The following PIK3C2G variants were observed in gnomAD, a reference collection of about 807,000 sequenced individuals.
PIK3C2G encodes the protein phosphatidylinositol 3-kinase C2 domain-containing subunit gamma.
PIK3C2G carries 168 observed loss-of-function variants against 181.1 expected under a neutral mutation model. The observed-to-expected ratio is 0.93, with a 90% CI of 0.82 to 1.05. The LOEUF is 1.05. Ranked by LOEUF, PIK3C2G falls within the 50% of genes least tolerant of loss-of-function variation. The probability of loss-of-function intolerance (pLI) is 0.00; values close to 1 mark genes in which losing one functional copy is unlikely to be tolerated. For missense variants in PIK3C2G, 1,869 were observed against 1,732.8 expected (o/e 1.08, Z -1.40); for synonymous variants, 573 against 592.2 (o/e 0.97, Z 0.47).
chr12:18,500,199 A>C (rs1455131005), intron 22 of PIK3C2G, among the ~76,000 whole-genome samples: 2 of 152,040 alleles, frequency 1.3e-5, no homozygotes, highest in Non-Finnish European at 2.9e-5. Context: ...GGCCGGCTGG[A>C]GTTCCAGGTG....
the PIK3C2G span, among the ~76,000 whole-genome samples, chr12:18,673,014 A>G: frequency 2.0e-5 from 3 of 152,204 alleles, no homozygotes; most frequent in Admixed American, 2.0e-4. Flanking sequence ...AAAAGATGGC[A>G]TACATTAAAA....
intron 30 of PIK3C2G, among the ~76,000 whole-genome samples, chr12:18,596,118 G>A (rs1336281492): frequency 6.6e-6 from 1 of 152,054 alleles, no homozygotes; most frequent in Admixed American, 6.6e-5. Flanking sequence ...GAACAACTAT[G>A]AAGGACACCT....
At chr12:18,531,595 T>C (rs1299642050) in intron 24 of PIK3C2G, among the ~76,000 whole-genome samples, 4 of 152,198 alleles carry the variant, frequency 2.6e-5, no homozygotes, top group Non-Finnish European at 5.9e-5. Flanking sequence ...TCCTATGTTT[T>C]TGTCATTTCA....
intron 30 of PIK3C2G, among the ~76,000 whole-genome samples, chr12:18,598,850 C>T (rs904180238): frequency 3.2e-4 from 48 of 151,924 alleles, no homozygotes; most frequent in South Asian, 2.1e-3. Flanking sequence ...CATGAACAGA[C>T]GCTTCTCAAA....
chr12:18,333,148 A>G (rs1364715469), intron 8 of PIK3C2G, among the ~76,000 whole-genome samples: 4 of 152,160 alleles, frequency 2.6e-5, no homozygotes, highest in African/African-American at 9.7e-5. Flanking sequence ...TCTTTGGAGC[A>G]GTTTTCACTG....
intron 15 of PIK3C2G, among the ~76,000 whole-genome samples, chr12:18,398,180 T>C (rs536784117): frequency 2.0e-5 from 3 of 152,174 alleles, no homozygotes; most frequent in Non-Finnish European, 4.4e-5. Context: ...TACATGCATT[T>C]GTAAAAATTT....
chr12:18,442,234 T>C (rs1012926707), intron 18 of PIK3C2G, among the ~76,000 whole-genome samples: 1 of 152,122 alleles, frequency 6.6e-6, no homozygotes, highest in Admixed American at 6.5e-5. Context: ...CCCAAAACTA[T>C]GAGAAATAAC....
the PIK3C2G span, among the ~76,000 whole-genome samples, chr12:18,711,268 G>A: frequency 6.6e-6 from 1 of 150,584 alleles, no homozygotes; most frequent in East Asian, 2.0e-4. Context: ...ATCATTCTCA[G>A]CAAACTATCG....
At chr12:18,697,520 TG>T in the PIK3C2G span, among the ~76,000 whole-genome samples, 1 of 152,166 alleles carries the variant, frequency 6.6e-6, no homozygotes, top group Non-Finnish European at 1.5e-5. Flanking sequence ...AATATGATTT[TG>T]TTATTTCTGA....
chr12:18,397,353 A>AATCT (rs1490311033), intron 15 of PIK3C2G, among the ~76,000 whole-genome samples: 2 of 152,006 alleles, frequency 1.3e-5, no homozygotes, highest in Non-Finnish European at 2.9e-5. Flanking sequence ...CCATTAAAGA[A>AATCT]ATCTATAGGC....
the PIK3C2G span, among the ~76,000 whole-genome samples, chr12:18,697,910 C>T: frequency 1.3e-5 from 2 of 152,000 alleles, no homozygotes; most frequent in Non-Finnish European, 2.9e-5. Context: ...AAGAAAAATG[C>T]TCTATGCCCC....
At chr12:18,527,714 A>G (rs1427779082) in intron 24 of PIK3C2G, among the ~76,000 whole-genome samples, 1 of 152,082 alleles carries the variant, frequency 6.6e-6, no homozygotes, top group Non-Finnish European at 1.5e-5. Context: ...GGATCTAATC[A>G]GCCTCTTTTT....
intron 3 of PIK3C2G, among the ~76,000 whole-genome samples, chr12:18,287,345 T>C (rs970600581): frequency 1.3e-5 from 2 of 152,148 alleles, no homozygotes; most frequent in Admixed American, 1.3e-4. Flanking sequence ...CTTGAGTGGA[T>C]TGGCAGAATA....
At chr12:18,439,085 T>C (rs1335251573) in intron 18 of PIK3C2G, among the ~76,000 whole-genome samples, 1 of 151,968 alleles carries the variant, frequency 6.6e-6, no homozygotes, top group Non-Finnish European at 1.5e-5. Flanking sequence ...CTTCTTGTCT[T>C]ATCCTAATTG....
rs560622026 is a variant in PIK3C2G, at chr12:18,601,643, G to A, written c.4087+7074G>A. On this transcript the variant is annotated intron_variant, in intron 30 of 32. Transcript: ENST00000538779. ...CTTTGGGCAGTATGGCCATTTTAAT[G>A]ATATTGATACTTCTAGTCTATGGGC... is the stretch of plus-strand genomic sequence containing the variant. Among the ~76,000 whole-genome samples, 2 of 152,158 alleles carry A rather than the reference G, an allele frequency of 1.3e-5. 1 individual carries two copies. Among genetic ancestry groups the A allele is most frequent in the African/African-American group, 4.8e-5 (2 of 41,520 alleles).
At chr12:18,303,241 CTCCT>C (rs1357146691) in intron 5 of PIK3C2G, among the ~76,000 whole-genome samples, 2 of 145,698 alleles carry the variant, frequency 1.4e-5, no homozygotes, top group Non-Finnish European at 3.0e-5. Flanking sequence ...CTCTTTCTCT[CTCCT>C]TCCTTCCTTC....
chr12:18,658,167 G>T, the PIK3C2G span, among the ~76,000 whole-genome samples: 1 of 151,998 alleles, frequency 6.6e-6, no homozygotes, highest in Non-Finnish European at 1.5e-5. Context: ...AAGGAATAAA[G>T]AAAAATCAAC....
chr12:18,637,070 C>T (rs1289346512), intron 31 of PIK3C2G, among the ~76,000 whole-genome samples: 1 of 152,154 alleles, frequency 6.6e-6, no homozygotes, highest in Non-Finnish European at 1.5e-5. Flanking sequence ...CTATAAGCCC[C>T]CTACTCTGAC....
intron 20 of PIK3C2G, 74 bp from the exon 21 acceptor site, chr12:18,495,988 G>A: frequency 1.4e-6 from 1 of 704,726 alleles, no homozygotes; most frequent in East Asian, 3.1e-5. Context: ...TGATTTTGGG[G>A]AAAAGGTTTG....
Sources: gnomAD v4.1 joint callset for allele counts (sites outside exome capture counted in the v4.1 genomes callset) on GRCh38, gnomAD v4.1.1 for gene constraint, MANE v1.5 for transcripts, NCBI Gene and HGNC (gene_info 2026-07-23, HGNC 2026-07-21) for gene names.